The following LDAH variants were observed in gnomAD, a reference collection of about 807,000 sequenced individuals.
LDAH encodes the protein lipid droplet-associated hydrolase.
Under a neutral mutation model 29.6 loss-of-function variants are expected in LDAH, and 26 were observed. The ratio of observed to expected loss-of-function variants is 0.88; its 90% confidence interval spans 0.64 to 1.22. The LOEUF (loss-of-function observed/expected upper bound fraction) is 1.22, where lower values mean the gene tolerates loss of function less well. Ranked by LOEUF, LDAH falls within the 50% of genes most tolerant of loss-of-function variation. The pLI, the probability that LDAH is intolerant of heterozygous loss-of-function variation, is 0.00. For synonymous variants in LDAH, 117 were observed against 133.0 expected, an observed-to-expected ratio of 0.88 and a Z score of 0.83; for missense variants, 344 against 387.3, an observed-to-expected ratio of 0.89 and a Z score of 0.94.
At chr2:20,722,077 T>G (rs1178492134) in intron 5 of LDAH, among the ~76,000 whole-genome samples, 1 of 152,072 alleles carries the variant, frequency 6.6e-6, no homozygotes, top group East Asian at 1.9e-4. Flanking sequence ...ATGTGGGAGC[T>G]AAAAAGTGAA....
chr2:20,790,327 G>T lies in LDAH; in HGVS notation c.226C>A (p.Pro76Thr), dbSNP rs150928158. The T allele has an allele frequency of 5.6e-6, 9 of 1,614,146 alleles. No individual in the cohort carries two copies. In the African/African-American group the frequency reaches 1.1e-4, roughly 19 times the overall value. Reference sequence around the variant, plus strand: ...CCAGCATGACTGATAGTCCAAACTGGAAAGCGTCTGTTTGTCAAAGAGTAT... The same window carrying T: ...CCAGCATGACTGATAGTCCAAACTGTAAAGCGTCTGTTTGTCAAAGAGTAT... The part of the protein sequence containing the change: ...ALYSLTNRRF[P>T]VWTISHAGHA... Residue 76 changes from proline to threonine, a missense_variant, in exon 3 of 7, where the codon CCA becomes ACA. Pro to Thr is a conservative substitution (Grantham distance 38). Transcript: ENST00000237822.
intron 4 of LDAH, among the ~76,000 whole-genome samples, chr2:20,741,205 C>A (rs999854773): frequency 2.0e-5 from 3 of 152,118 alleles, no homozygotes; most frequent in Non-Finnish European, 4.4e-5. Context: ...AAGATTTTCT[C>A]TCAGTCTATG....
intron 3 of LDAH, chr2:20,789,302 C>T (rs1670776678): frequency 6.5e-7 from 1 of 1,547,288 alleles, no homozygotes; most frequent in Admixed American, 2.0e-5. Flanking sequence ...AGAGGGCTTG[C>T]CTCCTGTGTC....
At chr2:20,757,043 T>A (rs1668388850) in intron 4 of LDAH, among the ~76,000 whole-genome samples, 1 of 152,184 alleles carries the variant, frequency 6.6e-6, no homozygotes, top group African/African-American at 2.4e-5. Flanking sequence ...TGGAGAGCAA[T>A]CTCCTTGCCA....
At chr2:20,748,473 T>C (rs1167979340) in intron 4 of LDAH, among the ~76,000 whole-genome samples, 1 of 152,234 alleles carries the variant, frequency 6.6e-6, no homozygotes, top group Admixed American at 6.5e-5. Context: ...TTCTCTGCAC[T>C]TATTTTATTT....
At chr2:20,702,766 T>C (rs900858631) in intron 5 of LDAH, among the ~76,000 whole-genome samples, 2 of 152,258 alleles carry the variant, frequency 1.3e-5, no homozygotes, top group Non-Finnish European at 2.9e-5. Context: ...ACTTGCACTT[T>C]CCCCATGCCT....
chr2:20,814,229 T>G (rs1168175764), intron 1 of LDAH, among the ~76,000 whole-genome samples: 1 of 132,326 alleles, frequency 7.6e-6, no homozygotes, highest in African/African-American at 2.7e-5. Flanking sequence ...AGTCTGACAA[T>G]GGGGGGGGGG....
chr2:20,809,257 C>T (rs932610212), intron 1 of LDAH, among the ~76,000 whole-genome samples: 2 of 136,406 alleles, frequency 1.5e-5, no homozygotes, highest in Admixed American at 6.9e-5. Context: ...AAATTAGCTG[C>T]GCTTGGTGGC....
At chr2:20,789,169 T>C in intron 3 of LDAH, 1 of 1,550,578 alleles carries the variant, frequency 6.4e-7, no homozygotes, top group Non-Finnish European at 8.7e-7. Context: ...TCTGAATGCT[T>C]ATATGGCCCC....
chr2:20,792,944 T>C (rs1671074341), intron 2 of LDAH, among the ~76,000 whole-genome samples: 1 of 152,102 alleles, frequency 6.6e-6, no homozygotes, highest in Non-Finnish European at 1.5e-5. Flanking sequence ...AATAAATAAA[T>C]AAATAAAACA....
chr2:20,741,283 T>G (rs1667157254), intron 4 of LDAH, among the ~76,000 whole-genome samples: 2 of 152,340 alleles, frequency 1.3e-5, no homozygotes, highest in South Asian at 4.1e-4. Flanking sequence ...GTTCAGCTTA[T>G]CTGTTATTTC....
chr2:20,795,233 C>T (rs1263756442), intron 2 of LDAH, among the ~76,000 whole-genome samples: 1 of 152,142 alleles, frequency 6.6e-6, no homozygotes, highest in Non-Finnish European at 1.5e-5. Context: ...GCCCTGACTG[C>T]TAATAATCTC....
intron 6 of LDAH, among the ~76,000 whole-genome samples, chr2:20,689,876 T>C (rs1662865347): frequency 6.6e-6 from 1 of 152,160 alleles, no homozygotes; most frequent in Non-Finnish European, 1.5e-5. Flanking sequence ...TCTAGGACCC[T>C]CACTCCAGTA....
At chr2:20,811,576 C>CG (rs1447676684) in intron 1 of LDAH, among the ~76,000 whole-genome samples, 2 of 151,862 alleles carry the variant, frequency 1.3e-5, no homozygotes, top group Admixed American at 6.6e-5. Context: ...GCTCTGCCCC[C>CG]GGGGTTCACG....
At chr2:20,741,567 C>T (rs770837705) in intron 4 of LDAH, among the ~76,000 whole-genome samples, 4 of 152,034 alleles carry the variant, frequency 2.6e-5, no homozygotes, top group Admixed American at 1.3e-4. Context: ...AAGGAAAAAA[C>T]GTTATTACTT....
intron 3 of LDAH, among the ~76,000 whole-genome samples, chr2:20,783,885 T>A (rs61490996): frequency 6.6e-6 from 1 of 152,114 alleles, no homozygotes; most frequent in Non-Finnish European, 1.5e-5. Flanking sequence ...CTAATTTTTG[T>A]ATTTTTCTGT....
At chr2:20,814,378 C>T (rs1025468146) in intron 1 of LDAH, among the ~76,000 whole-genome samples, 1 of 152,070 alleles carries the variant, frequency 6.6e-6, no homozygotes, top group African/African-American at 2.4e-5. Flanking sequence ...CTTAGATTTA[C>T]CTAATTTGTC....
rs538540386 is a variant in LDAH at position 20,814,603 on chromosome 2, G to A, written c.-3+8434C>T. ...CGCCCCACAAGTAGCTGAGACTATA[G>A]GCACACACCACCATGCCTGGCTAAC... is the stretch of plus-strand genomic sequence containing the variant. On this transcript the variant is annotated intron_variant, in intron 1 of 6. Coordinates refer to ENST00000237822, the MANE Select transcript of LDAH (RefSeq NM_021925.4). 6.0e-4 allele frequency among the ~76,000 whole-genome samples: 91 copies of A among 152,212 alleles called. 1 individual carries two copies. The highest frequency in any genetic ancestry group is 1.6e-3 in the African/African-American group (68 of 41,524).
At chr2:20,697,189 C>T (rs1006288659) in intron 6 of LDAH, among the ~76,000 whole-genome samples, 7 of 152,184 alleles carry the variant, frequency 4.6e-5, no homozygotes, top group Non-Finnish European at 7.3e-5. Flanking sequence ...TCTCCCATAA[C>T]TTGCTGCTGC....
Sources: allele counts gnomAD v4.1 joint callset (sites outside exome capture counted in the v4.1 genomes callset), GRCh38; gene constraint gnomAD v4.1.1; transcripts MANE v1.5; gene names NCBI Gene and HGNC (gene_info 2026-07-23, HGNC 2026-07-21).